NSMCE2: variants seen among roughly 807,000 people sequenced by gnomAD.
NSMCE2 encodes E3 SUMO-protein ligase NSE2.
Under a neutral mutation model 23.8 loss-of-function variants are expected in NSMCE2, and 24 were observed. That is an observed-to-expected ratio of 1.01 (90% confidence interval 0.73 to 1.42). NSMCE2 has a LOEUF of 1.42. NSMCE2 is among the 40% of genes most tolerant of loss of function. The probability of loss-of-function intolerance (pLI) is 0.00; values close to 1 mark genes in which losing one functional copy is unlikely to be tolerated. For synonymous variants in NSMCE2, 92 were observed against 94.1 expected (o/e 0.98, Z 0.13); for missense variants, 284 against 296.5 (o/e 0.96, Z 0.31).
intron 4 of NSMCE2, among the ~76,000 whole-genome samples, chr8:125,153,056 CAAAAAAAAAAA>C (rs768246218): frequency 2.9e-4 from 14 of 47,462 alleles, no homozygotes; most frequent in South Asian, 1.0e-3. Flanking sequence ...GACTCCGTCT[CAAAAAAAAAAA>C]AAAAAAAAAA....
chr8:125,116,928 C>A (rs1362540439), intron 3 of NSMCE2, among the ~76,000 whole-genome samples: 2 of 147,682 alleles, frequency 1.4e-5, no homozygotes, highest in East Asian at 3.9e-4. Context: ...CTCTCTGTCA[C>A]CCACTCTGGT....
chr8:125,103,813 CAA>C (rs1818317272), intron 3 of NSMCE2, among the ~76,000 whole-genome samples: 1 of 151,694 alleles, frequency 6.6e-6, no homozygotes, highest in Non-Finnish European at 1.5e-5. Flanking sequence ...GAAGACATAA[CAA>C]AGAATTAAGT....
At chr8:125,123,599 C>T (rs989306811) in intron 3 of NSMCE2, among the ~76,000 whole-genome samples, 8 of 152,206 alleles carry the variant, frequency 5.3e-5, no homozygotes, top group Non-Finnish European at 8.8e-5. Context: ...CATGCGCACA[C>T]GCACACAAAC....
At chr8:125,099,927 G>A (rs945839880) in intron 1 of NSMCE2, among the ~76,000 whole-genome samples, 1 of 152,116 alleles carries the variant, frequency 6.6e-6, no homozygotes, top group Non-Finnish European at 1.5e-5. Flanking sequence ...TGATTCAGTA[G>A]AGAGGGAAAA....
chr8:125,366,363 A>C (rs1215909488), intron 7 of NSMCE2, among the ~76,000 whole-genome samples: 1 of 152,022 alleles, frequency 6.6e-6, no homozygotes, highest in East Asian at 1.9e-4. Context: ...ACACGGTGAA[A>C]CCCTGACTCT....
chr8:125,172,928 CAG>C (rs763572826), intron 4 of NSMCE2, among the ~76,000 whole-genome samples: 2 of 152,120 alleles, frequency 1.3e-5, no homozygotes, highest in Non-Finnish European at 2.9e-5. Flanking sequence ...CTGTCATTCA[CAG>C]GGGTGAGGAA....
chr8:125,167,397 T>A (rs1821943912), intron 4 of NSMCE2, among the ~76,000 whole-genome samples: 1 of 152,004 alleles, frequency 6.6e-6, no homozygotes, highest in African/African-American at 2.4e-5. Flanking sequence ...CCCGGCATGG[T>A]GGTTTATGCC....
At chr8:125,336,409 G>C in intron 5 of NSMCE2, among the ~76,000 whole-genome samples, 1 of 152,194 alleles carries the variant, frequency 6.6e-6, no homozygotes, top group Non-Finnish European at 1.5e-5. Flanking sequence ...AGCTAGGGGA[G>C]GCAGGATTGT....
At chr8:125,142,621 TG>T (rs958655199) in intron 3 of NSMCE2, among the ~76,000 whole-genome samples, 1 of 152,100 alleles carries the variant, frequency 6.6e-6, no homozygotes, top group Non-Finnish European at 1.5e-5. Flanking sequence ...TTTTTTTTTT[TG>T]AGATGGAGTT....
chr8:125,129,706 A>T (rs1376849166), intron 3 of NSMCE2, among the ~76,000 whole-genome samples: 1 of 152,100 alleles, frequency 6.6e-6, no homozygotes, highest in Non-Finnish European at 1.5e-5. Context: ...TTACTTTTTA[A>T]ATCATGTAAA....
intron 5 of NSMCE2, among the ~76,000 whole-genome samples, chr8:125,313,196 G>GAGAGAGAA (rs909429838): frequency 1.4e-5 from 2 of 140,146 alleles, no homozygotes; most frequent in Non-Finnish European, 3.1e-5. Flanking sequence ...GAAAGAAAGA[G>GAGAGAGAA]AGAGAGAAAG....
intron 4 of NSMCE2, among the ~76,000 whole-genome samples, chr8:125,178,565 G>C (rs1822608162): frequency 6.6e-6 from 1 of 152,146 alleles, no homozygotes; most frequent in South Asian, 2.1e-4. Flanking sequence ...TTGGAAATCA[G>C]GTATTTAAAG....
intron 3 of NSMCE2, among the ~76,000 whole-genome samples, chr8:125,106,156 G>A (rs1213452196): frequency 6.6e-6 from 1 of 151,898 alleles, no homozygotes; most frequent in Non-Finnish European, 1.5e-5. Context: ...TTCAGCTCTA[G>A]GTTTTAAAGA....
chr8:125,335,517 G>C lies in NSMCE2; in HGVS notation c.419-21702G>C, dbSNP rs1004783299. On this transcript the variant is annotated intron_variant, in intron 5 of 7. Transcript: ENST00000287437. ...CCTTAAGCCCTCTCTAAGAATATTA[G>C]AGATAGTTATGGATAGCCAGCCAGG... Among the ~76,000 whole-genome samples the C allele has an allele frequency of 3.3e-5, 5 of 152,132 alleles. No individual in the cohort carries two copies. In the South Asian group the frequency reaches 1.0e-3, roughly 31 times the overall value.
intron 5 of NSMCE2, among the ~76,000 whole-genome samples, chr8:125,210,439 T>C (rs1213680383): frequency 6.6e-6 from 1 of 152,240 alleles, no homozygotes; most frequent in East Asian, 1.9e-4. Flanking sequence ...TCAATTTTTA[T>C]GTCCTCAGCA....
intron 3 of NSMCE2, among the ~76,000 whole-genome samples, chr8:125,103,111 C>A (rs959251441): frequency 6.6e-6 from 1 of 152,036 alleles, no homozygotes; most frequent in African/African-American, 2.4e-5. Flanking sequence ...ACTAAAAATA[C>A]AAAACCAACA....
chr8:125,226,244 T>C (rs536637432), intron 5 of NSMCE2, among the ~76,000 whole-genome samples: 3 of 152,308 alleles, frequency 2.0e-5, no homozygotes, highest in African/African-American at 7.2e-5. Flanking sequence ...GGCCCAGTCA[T>C]TGTGTAGATT....
intron 3 of NSMCE2, among the ~76,000 whole-genome samples, chr8:125,110,108 A>G (rs972945812): frequency 3.3e-5 from 5 of 151,102 alleles, no homozygotes; most frequent in African/African-American, 1.2e-4. Flanking sequence ...TAAAATGTTA[A>G]TGTACCTCAA....
rs2130803820 is a variant in NSMCE2 at position 125,182,387 on chromosome 8, T to G, written c.418+131T>G. 3 of 768,992 alleles carry G rather than the reference T, an allele frequency of 3.9e-6. No homozygotes were observed. The South Asian group carries it at 4.7e-5, about 12-fold the overall frequency. 47.6% of individuals were successfully genotyped at this position (768,992 alleles called of 1,614,324 possible). ...TTGATCCTCATTCTAAGTTGCGTTT[T>G]ATTGTTGTTGCAATTCTGTATTTTG... On this transcript the variant is annotated intron_variant, in intron 5 of 7. Coordinates refer to ENST00000287437, the MANE Select transcript of NSMCE2 (RefSeq NM_173685.4).
Sources: allele counts gnomAD v4.1 joint callset (sites outside exome capture counted in the v4.1 genomes callset), GRCh38; gene constraint gnomAD v4.1.1; transcripts MANE v1.5; gene names NCBI Gene and HGNC (gene_info 2026-07-23, HGNC 2026-07-21).